Variants in MAGI3 observed in about 807,000 individuals in gnomAD.
MAGI3 encodes membrane-associated guanylate kinase, WW and PDZ domain-containing protein 3.
Under a neutral mutation model 121.8 loss-of-function variants are expected in MAGI3, and 43 were observed. That is an observed-to-expected ratio of 0.35 (90% CI 0.28 to 0.46). The LOEUF is 0.46. Ranked by LOEUF, MAGI3 falls within the 20% of genes least tolerant of loss-of-function variation. The probability of loss-of-function intolerance (pLI) is 1.00; values close to 1 mark genes in which losing one functional copy is unlikely to be tolerated. For synonymous variants in MAGI3, 553 were observed against 639.3 expected (o/e 0.86, Z 2.04); for missense variants, 1,547 against 1,797.3 (o/e 0.86, Z 2.52).
At chr1:113,453,789 A>C (rs2101494808) in intron 1 of MAGI3, among the ~76,000 whole-genome samples, 1 of 152,334 alleles carries the variant, frequency 6.6e-6, no homozygotes, top group African/African-American at 2.4e-5. Flanking sequence ...TTAAACAATA[A>C]TACTTGGTGA....
At chr1:113,598,037 C>T (rs1046924526) in intron 6 of MAGI3, among the ~76,000 whole-genome samples, 9 of 152,080 alleles carry the variant, frequency 5.9e-5, no homozygotes. Context: ...CATGGTGAAA[C>T]CCCATCTCTA....
At chr1:113,522,108 T>C (rs1012494170) in intron 1 of MAGI3, among the ~76,000 whole-genome samples, 1 of 148,406 alleles carries the variant, frequency 6.7e-6, no homozygotes, top group African/African-American at 2.4e-5. Context: ...CTGTCGTATA[T>C]TTATTTATTT....
At chr1:113,490,848 G>A (rs564572878) in intron 1 of MAGI3, among the ~76,000 whole-genome samples, 14 of 152,220 alleles carry the variant, frequency 9.2e-5, no homozygotes, top group Admixed American at 3.3e-4. Flanking sequence ...CTAAATATAC[G>A]TATATACACC....
In MAGI3 at chr1:113,592,874, C is replaced by T. The variant is rs542671220; in HGVS notation, c.939-1607C>T. Among the ~76,000 whole-genome samples, 24 of 152,010 alleles carry T rather than the reference C, an allele frequency of 1.6e-4. 1 individual carries two copies. The South Asian group carries it at 4.4e-3, about 28-fold the overall frequency. ...AAAAATGCAAAAACTTAGCTGGGCA[C>T]GGTGGCGGGCGCCTGTAGTCCCAGC... On this transcript the variant is annotated intron_variant, in intron 5 of 20. Coordinates refer to ENST00000307546, the MANE Select transcript of MAGI3 (RefSeq NM_001142782.2).
Position 113,681,278 on chromosome 1 carries a change from T to C in MAGI3, c.3270T>C (p.Ala1090=). Residue 1090 remains alanine (A), a synonymous_variant, in exon 20 of 21, where the codon GCT becomes GCC. Transcript: ENST00000307546. The stretch of plus-strand genomic sequence containing the variant: ...CTCGAGCAATTGAGCTCATTCAGGC[T>C]GGTGGAAATAAAGTTCTTCTTCTTT... ...THTRAIELIQ[A]GGNKVLLLLR... 6.2e-7 allele frequency: 1 copy of C among 1,614,168 alleles called. No homozygotes were observed. The highest frequency in any genetic ancestry group is 8.5e-7 in the Non-Finnish European group (1 of 1,180,020).
chr1:113,649,130 T>C (rs780894035), intron 12 of MAGI3, 107 bp from the exon 13 acceptor site: 40 of 734,374 alleles, frequency 5.4e-5, no homozygotes, highest in Non-Finnish European at 7.4e-5. Context: ...GTTCTGAGAT[T>C]ATAGTTTATT....
chr1:113,495,412 A>G (rs917073344), intron 1 of MAGI3, among the ~76,000 whole-genome samples: 2 of 149,144 alleles, frequency 1.3e-5, no homozygotes, highest in Non-Finnish European at 3.0e-5. Flanking sequence ...TTGTTTGGTT[A>G]CATGAATAAC....
chr1:113,617,653 G>T (rs1650562126), intron 7 of MAGI3, among the ~76,000 whole-genome samples: 1 of 152,206 alleles, frequency 6.6e-6, no homozygotes, highest in Non-Finnish European at 1.5e-5. Context: ...ATGCCTGGGT[G>T]GCAAAGTGAG....
At chr1:113,628,757 G>A (rs1006001697) in intron 9 of MAGI3, among the ~76,000 whole-genome samples, 3 of 152,082 alleles carry the variant, frequency 2.0e-5, no homozygotes, top group Non-Finnish European at 4.4e-5. Flanking sequence ...TGCCCTGTAA[G>A]GTTTCCACTG....
Position 113,391,411 on chromosome 1 carries a change from C to T in MAGI3, c.316+62C>T. 6.5e-7 allele frequency: 1 copy of T among 1,527,058 alleles called. No individual in the cohort carries two copies. Among genetic ancestry groups the T allele is most frequent in the Non-Finnish European group, 8.9e-7 (1 of 1,128,500 alleles). 94.6% of individuals were successfully genotyped at this position (1,527,058 alleles called of 1,614,324 possible). On this transcript the variant is annotated intron_variant, in intron 1 of 20. Transcript: ENST00000307546. The surrounding 1 kb of genome is among the most constrained non-coding windows in gnomAD (Gnocchi z 4.4). ...GGAGAGGGGCTTCAGGGTGGGCGTC[C>T]TGGGAGCGGCGGCACCTCCCCACCG...
intron 9 of MAGI3, among the ~76,000 whole-genome samples, chr1:113,625,064 T>C (rs552917212): frequency 1.3e-5 from 2 of 152,326 alleles, no homozygotes; most frequent in East Asian, 3.9e-4. Context: ...TGTCTGTTTT[T>C]ATGCCAATAC....
At chr1:113,552,644 G>A (rs953803664) in intron 2 of MAGI3, among the ~76,000 whole-genome samples, 1 of 151,860 alleles carries the variant, frequency 6.6e-6, no homozygotes, top group Non-Finnish European at 1.5e-5. Context: ...TTCCAGTTTT[G>A]CAGTTTCCTC....
rs191799760 is a variant in MAGI3, at chr1:113,567,995, T to C, written c.434-12547T>C. On this transcript the variant is annotated intron_variant, in intron 2 of 20. Coordinates refer to ENST00000307546, the MANE Select transcript of MAGI3 (RefSeq NM_001142782.2). Reference sequence around the variant, plus strand: ...TGAATCTCAAAAGCATTATGCTAAGTAAAAGAAGCCAGACAACTACTGGAA... The same window carrying C: ...TGAATCTCAAAAGCATTATGCTAAGCAAAAGAAGCCAGACAACTACTGGAA... Among the ~76,000 whole-genome samples, 579 of 152,138 alleles carry C rather than the reference T, an allele frequency of 3.8e-3. 1 individual carries two copies. Among genetic ancestry groups the C allele is most frequent in the Middle Eastern group, 0.01 (3 of 294 alleles).
rs1164672581 is a variant in MAGI3, at chr1:113,683,355, A to G, written c.3787A>G (p.Asn1263Asp). The stretch of plus-strand genomic sequence containing the variant: ...ATCCCTCAGCCCCAGCAAAGGGGAA[A>G]ATAAAAGTTGTCAGGTCAGCACCAG... ...DQSLSPSKGE[N>D]KSCQVSTRAG... Residue 1263 changes from asparagine to aspartate, a missense_variant, in exon 21 of 21, where the codon AAT becomes GAT. Coordinates refer to ENST00000307546, the MANE Select transcript of MAGI3 (RefSeq NM_001142782.2). 2 of 1,613,944 alleles carry G rather than the reference A, an allele frequency of 1.2e-6. No individual in the cohort carries two copies. The highest frequency in any genetic ancestry group is 1.7e-6 in the Non-Finnish European group (2 of 1,179,912).
At chr1:113,609,344 C>T (rs1209858297) in intron 6 of MAGI3, among the ~76,000 whole-genome samples, 1 of 152,194 alleles carries the variant, frequency 6.6e-6, no homozygotes, top group Non-Finnish European at 1.5e-5. Context: ...TCTAGAAAGA[C>T]CTTACAGTTT....
intron 2 of MAGI3, among the ~76,000 whole-genome samples, chr1:113,578,186 T>A (rs1308638149): frequency 6.6e-6 from 1 of 152,136 alleles, no homozygotes; most frequent in African/African-American, 2.4e-5. Context: ...TGGACTTCCT[T>A]GCATGGTAGC....
chr1:113,634,440 G>A (rs1183088121), intron 9 of MAGI3, among the ~76,000 whole-genome samples: 1 of 152,174 alleles, frequency 6.6e-6, no homozygotes, highest in Non-Finnish European at 1.5e-5. Context: ...TCCAGTTTCA[G>A]CTTTCTACAT....
chr1:113,660,373 G>A (rs1653715211), intron 16 of MAGI3, among the ~76,000 whole-genome samples: 1 of 152,008 alleles, frequency 6.6e-6, no homozygotes, highest in Non-Finnish European at 1.5e-5. Flanking sequence ...TGCCCAGAAA[G>A]TGTTCTGTGA....
chr1:113,574,122 C>A (rs112200550), intron 2 of MAGI3, among the ~76,000 whole-genome samples: 18,636 of 152,072 alleles, frequency 0.12, 1,222 homozygotes, highest in East Asian at 0.18. Flanking sequence ...ATACAGCACA[C>A]CAAAAGGTCT....
Sources: allele counts gnomAD v4.1 joint callset (sites outside exome capture counted in the v4.1 genomes callset), GRCh38; gene constraint gnomAD v4.1.1; non-coding constraint Gnocchi (gnomAD v3.1); transcripts MANE v1.5; gene names NCBI Gene and HGNC (gene_info 2026-07-23, HGNC 2026-07-21).